The following PCCA variants were observed in gnomAD, a reference collection of about 807,000 sequenced individuals.
The protein encoded by PCCA is propionyl-CoA carboxylase subunit alpha.
PCCA carries 74 observed loss-of-function variants against 101.3 expected under a neutral mutation model. That is an observed-to-expected ratio of 0.73 (90% CI 0.61 to 0.89). The LOEUF is 0.89. Ranked by LOEUF, PCCA falls within the 40% of genes least tolerant of loss-of-function variation. The pLI is 0.00. For missense variants in PCCA, 891 were observed against 907.0 expected, an observed-to-expected ratio of 0.98 and a Z score of 0.23; for synonymous variants, 294 against 313.6, an observed-to-expected ratio of 0.94 and a Z score of 0.66.
intron 7 of PCCA, among the ~76,000 whole-genome samples, chr13:100,224,049 G>A (rs983142593): frequency 5.3e-5 from 8 of 152,252 alleles, no homozygotes; most frequent in Non-Finnish European, 7.3e-5. Flanking sequence ...CCGTGCGCCC[G>A]CACTCCTCAG....
chr13:100,322,180 C>T (rs557275857), intron 16 of PCCA, among the ~76,000 whole-genome samples: 11 of 152,284 alleles, frequency 7.2e-5, no homozygotes, highest in Admixed American at 3.9e-4. Flanking sequence ...TGTGCCACTC[C>T]GTTTGAATTG....
At chr13:100,337,155 A>G (rs1274600369) in intron 17 of PCCA, among the ~76,000 whole-genome samples, 2 of 152,216 alleles carry the variant, frequency 1.3e-5, no homozygotes, top group African/African-American at 2.4e-5. Flanking sequence ...AGGATTCATC[A>G]GTAAACAGAA....
intron 19 of PCCA, among the ~76,000 whole-genome samples, chr13:100,375,608 C>A (rs2075854590): frequency 6.6e-6 from 1 of 152,116 alleles, no homozygotes; most frequent in Admixed American, 6.6e-5. Context: ...GATCCCTTTA[C>A]TACCAGGCCT....
intron 19 of PCCA, among the ~76,000 whole-genome samples, chr13:100,380,779 G>A (rs542945502): frequency 6.6e-6 from 1 of 152,150 alleles, no homozygotes; most frequent in East Asian, 1.9e-4. Context: ...TTGCTTCAAA[G>A]GACACTAACA....
intron 18 of PCCA, among the ~76,000 whole-genome samples, chr13:100,343,850 T>C (rs988610366): frequency 4.6e-5 from 7 of 152,192 alleles, no homozygotes; most frequent in Non-Finnish European, 4.4e-5. Flanking sequence ...CAAGGCGGAC[T>C]GATCACATGA....
At chr13:100,514,841 C>T (rs567677991) in intron 21 of PCCA, among the ~76,000 whole-genome samples, 1 of 152,162 alleles carries the variant, frequency 6.6e-6, no homozygotes, top group Non-Finnish European at 1.5e-5. Flanking sequence ...CTACATAGTG[C>T]CTTTAAGAAA....
At chr13:100,422,113 T>TCTTTCTTC (rs1555454155) in intron 19 of PCCA, among the ~76,000 whole-genome samples, 4,553 of 131,342 alleles carry the variant, frequency 0.035, 176 homozygotes, top group Middle Eastern at 0.063. Flanking sequence ...TTTCTTTCTT[T>TCTTTCTTC]CTTTCTTTTC....
At chr13:100,103,057 GT>G in intron 2 of PCCA, 97 bp downstream of exon 2, 1 of 797,308 alleles carries the variant, frequency 1.3e-6, no homozygotes, top group South Asian at 1.4e-5. Context: ...ATGAGATTTT[GT>G]TAAGGCTGTG....
chr13:100,402,470 A>G (rs1400255368), intron 19 of PCCA, among the ~76,000 whole-genome samples: 1 of 152,124 alleles, frequency 6.6e-6, no homozygotes, highest in Admixed American at 6.5e-5. Context: ...TTTTATTTTA[A>G]TACAATAGAT....
intron 19 of PCCA, among the ~76,000 whole-genome samples, chr13:100,376,487 A>G (rs1410053543): frequency 6.6e-6 from 1 of 152,188 alleles, no homozygotes; most frequent in Non-Finnish European, 1.5e-5. Flanking sequence ...CCAGGGAGAT[A>G]GGAGTTTTAT....
chr13:100,503,028 C>T (rs556968206), intron 21 of PCCA, among the ~76,000 whole-genome samples: 1 of 152,122 alleles, frequency 6.6e-6, no homozygotes, highest in South Asian at 2.1e-4. Context: ...GAGGCTGGAT[C>T]GTGGGTAAGA....
At chr13:100,120,177 C>T (rs2049231359) in intron 4 of PCCA, among the ~76,000 whole-genome samples, 2 of 131,058 alleles carry the variant, frequency 1.5e-5, no homozygotes. Flanking sequence ...TTTCAGATTA[C>T]TTTTTTTTTT....
chr13:100,198,991 C>A (rs924174456), intron 6 of PCCA, among the ~76,000 whole-genome samples: 4 of 150,540 alleles, frequency 2.7e-5, no homozygotes, highest in African/African-American at 9.8e-5. Flanking sequence ...CTTCACTGGG[C>A]ATAGAGCTGC....
chr13:100,433,386 A>T (rs1212886433), intron 20 of PCCA, among the ~76,000 whole-genome samples: 2 of 152,194 alleles, frequency 1.3e-5, no homozygotes, highest in African/African-American at 2.4e-5. Flanking sequence ...TAACTGAAGA[A>T]AAAGCATTCC....
chr13:100,320,504 T>C (rs1193687560), intron 16 of PCCA, among the ~76,000 whole-genome samples: 10 of 152,256 alleles, frequency 6.6e-5, no homozygotes, highest in Admixed American at 3.3e-4. Context: ...GTCCCATCAA[T>C]ACCAAATTTA....
chr13:100,378,653 G>A (rs1255997827), intron 19 of PCCA, among the ~76,000 whole-genome samples: 1 of 151,994 alleles, frequency 6.6e-6, no homozygotes, highest in African/African-American at 2.4e-5. Context: ...TTGTGTGACT[G>A]CATTATTTCA....
At chr13:100,181,927 G>C (rs1402133142) in intron 6 of PCCA, among the ~76,000 whole-genome samples, 1 of 142,528 alleles carries the variant, frequency 7.0e-6, no homozygotes, top group South Asian at 2.2e-4. Context: ...ACCACACCTG[G>C]CTAATTTTTG....
intron 10 of PCCA, among the ~76,000 whole-genome samples, chr13:100,263,578 A>G (rs2062673239): frequency 6.6e-6 from 1 of 152,184 alleles, no homozygotes; most frequent in African/African-American, 2.4e-5. Flanking sequence ...GGTCACTTTC[A>G]TAGATATTAT....
In PCCA at chr13:100,282,488, G is replaced by A. The variant is rs557294812; in HGVS notation, c.1065+9142G>A. 1.0e-3 allele frequency among the ~76,000 whole-genome samples: 157 copies of A among 152,338 alleles called. 1 individual carries two copies. The highest frequency in any genetic ancestry group is 3.1e-3 in the African/African-American group (130 of 41,580). ...AACTGGGGCTGCGCTCGGCACTTGCGGGCCAGCTGGAGTTCCAGGTGGGCG... is the reference window on the plus strand; with the variant it reads ...AACTGGGGCTGCGCTCGGCACTTGCAGGCCAGCTGGAGTTCCAGGTGGGCG... On this transcript the variant is annotated intron_variant, in intron 12 of 23. Coordinates refer to ENST00000376285, the MANE Select transcript of PCCA (RefSeq NM_000282.4).
Sources: gnomAD v4.1 joint callset for allele counts (sites outside exome capture counted in the v4.1 genomes callset) on GRCh38, gnomAD v4.1.1 for gene constraint, MANE v1.5 for transcripts, NCBI Gene and HGNC (gene_info 2026-07-23, HGNC 2026-07-21) for gene names.